Variants in USP37 observed in about 807,000 individuals in gnomAD.
USP37 encodes ubiquitin carboxyl-terminal hydrolase 37.
A neutral mutation model predicts 124.0 loss-of-function variants in USP37; 27 were observed. The observed-to-expected ratio is 0.22, with a 90% CI of 0.16 to 0.30. USP37 has a LOEUF of 0.30. Ranked by LOEUF, USP37 falls within the 10% of genes least tolerant of loss-of-function variation. USP37 has a pLI of 1.00. For synonymous variants in USP37, 365 were observed against 388.0 expected (o/e 0.94, Z 0.70); for missense variants, 889 against 1,140.4 (o/e 0.78, Z 3.17).
chr2:218,486,034 C>A, intron 15 of USP37: 2 of 304,934 alleles, frequency 6.6e-6, no homozygotes, highest in East Asian at 6.0e-5. Flanking sequence ...GCCTTTTCAG[C>A]CTTTTCCCCA....
At chr2:218,505,336 C>A (rs965882718) in intron 11 of USP37, among the ~76,000 whole-genome samples, 1 of 152,070 alleles carries the variant, frequency 6.6e-6, no homozygotes, top group Non-Finnish European at 1.5e-5. Flanking sequence ...TGTTTATATA[C>A]CATTCTTTTA....
At chr2:218,505,456 A>G (rs1201781585) in intron 11 of USP37, among the ~76,000 whole-genome samples, 4 of 152,168 alleles carry the variant, frequency 2.6e-5, no homozygotes, top group Non-Finnish European at 5.9e-5. Context: ...CATGAAGCTC[A>G]TTTTCTGTAG....
intron 4 of USP37, among the ~76,000 whole-genome samples, chr2:218,556,616 CT>C (rs1692997211): frequency 7.1e-6 from 1 of 140,488 alleles, no homozygotes; most frequent in Non-Finnish European, 1.5e-5. Context: ...CGGATTCAAG[CT>C]ATTCTCCTGC....
At position 218,498,040 on chromosome 2, in the gene USP37, G is replaced by C. The variant is rs202190835; in HGVS notation, c.1143C>G (p.Leu381=). 57 of 1,608,928 alleles carry C rather than the reference G, an allele frequency of 3.5e-5. No individual in the cohort carries two copies. The Middle Eastern group carries it at 8.3e-4, about 23-fold the overall frequency. The change falls in exon 12 of 26, where the codon CTC becomes CTG. Residue 381 remains leucine, a synonymous_variant. Coordinates refer to ENST00000258399, the MANE Select transcript of USP37 (RefSeq NM_020935.3). Reference sequence around the variant, plus strand: ...ATAATGATTACCTGATAAGTGCATTGAGTGGAATTTTCTTCCATGGGATAC... The same window carrying C: ...ATAATGATTACCTGATAAGTGCATTCAGTGGAATTTTCTTCCATGGGATAC... ...KQGIPWKKIP[L]NALIRRFAHL...
At chr2:218,470,121 TAACTC>T (rs1362967459) in intron 20 of USP37, among the ~76,000 whole-genome samples, 2 of 152,088 alleles carry the variant, frequency 1.3e-5, no homozygotes, top group Non-Finnish European at 2.9e-5. Flanking sequence ...CGTGTGGCCT[TAACTC>T]AACATTCTTC....
At chr2:218,493,641 T>C (rs147097770) in intron 14 of USP37, among the ~76,000 whole-genome samples, 18 of 152,268 alleles carry the variant, frequency 1.2e-4, no homozygotes, top group African/African-American at 4.1e-4. Context: ...TGGCTAATTT[T>C]TGTATTTTTA....
chr2:218,506,237 T>G (rs961921077), intron 11 of USP37, among the ~76,000 whole-genome samples: 1 of 151,324 alleles, frequency 6.6e-6, no homozygotes, highest in Non-Finnish European at 1.5e-5. Context: ...TTATATGTAA[T>G]ATGGGTGTAT....
chr2:218,460,260 A>C (rs577611501), intron 22 of USP37, among the ~76,000 whole-genome samples: 542 of 148,130 alleles, frequency 3.7e-3, no homozygotes, highest in African/African-American at 0.012. Context: ...CTCTGTCCCA[A>C]AAAAAAAAAA....
At chr2:218,456,997 AAC>A in intron 24 of USP37, 93 bp downstream of exon 24, 2 of 1,265,424 alleles carry the variant, frequency 1.6e-6, no homozygotes, top group Non-Finnish European at 2.2e-6. Flanking sequence ...GAAAAAGAAA[AAC>A]ACACTTCACA....
chr2:218,469,050 CT>C (rs1307825710), intron 20 of USP37, among the ~76,000 whole-genome samples: 1 of 152,114 alleles, frequency 6.6e-6, no homozygotes, highest in Non-Finnish European at 1.5e-5. Flanking sequence ...AGCATCCTGG[CT>C]TTAGATTCTA....
chr2:218,533,124 C>T (rs970016481), intron 9 of USP37, among the ~76,000 whole-genome samples: 4 of 151,854 alleles, frequency 2.6e-5, no homozygotes, highest in Non-Finnish European at 5.9e-5. Context: ...TATGCCGGTA[C>T]ACATGTATGT....
chr2:218,506,700 A>T (rs1463999954), intron 11 of USP37, among the ~76,000 whole-genome samples: 1 of 150,312 alleles, frequency 6.7e-6, no homozygotes, highest in East Asian at 1.9e-4. Flanking sequence ...TTAATTTAAA[A>T]CTTCATTTTC....
chr2:218,472,321 C>T (rs1465306845), intron 20 of USP37, among the ~76,000 whole-genome samples: 1 of 152,090 alleles, frequency 6.6e-6, no homozygotes, highest in East Asian at 1.9e-4. Flanking sequence ...ATACTGGTAG[C>T]CACGGTTCAC....
chr2:218,546,023 T>C (rs1253947109), intron 8 of USP37, among the ~76,000 whole-genome samples, 198 bp downstream of exon 8: 1 of 152,200 alleles, frequency 6.6e-6, no homozygotes, highest in Non-Finnish European at 1.5e-5. Context: ...TGCAATGAAA[T>C]GACCAAAGCA....
At chr2:218,485,396 C>A (rs1185754485) in intron 16 of USP37, among the ~76,000 whole-genome samples, 1 of 151,860 alleles carries the variant, frequency 6.6e-6, no homozygotes, top group Non-Finnish European at 1.5e-5. Context: ...TCAAGTGATC[C>A]TCCTACCTCA....
intron 20 of USP37, among the ~76,000 whole-genome samples, chr2:218,472,448 G>A (rs571389461): frequency 1.5e-4 from 22 of 151,348 alleles, no homozygotes; most frequent in Non-Finnish European, 3.1e-4. Flanking sequence ...CCCAAAGCAC[G>A]TCAGCCTGAA....
At chr2:218,465,492 C>G (rs1486279966) in intron 21 of USP37, among the ~76,000 whole-genome samples, 1 of 151,944 alleles carries the variant, frequency 6.6e-6, no homozygotes, top group African/African-American at 2.4e-5. Context: ...ATACCCCATC[C>G]TGTTTTAGCA....
intron 10 of USP37, among the ~76,000 whole-genome samples, chr2:218,516,739 A>C (rs568894006): frequency 2.0e-5 from 3 of 152,292 alleles, no homozygotes; most frequent in Admixed American, 6.5e-5. Flanking sequence ...GTCTGGCACT[A>C]GGGTGCTCAT....
intron 11 of USP37, among the ~76,000 whole-genome samples, chr2:218,509,755 C>A (rs1480619851): frequency 2.6e-5 from 4 of 152,044 alleles, no homozygotes; most frequent in Non-Finnish European, 5.9e-5. Flanking sequence ...TACACATTTT[C>A]TGCTTTAAAA....
Sources: gnomAD v4.1 joint callset for allele counts (sites outside exome capture counted in the v4.1 genomes callset) on GRCh38, gnomAD v4.1.1 for gene constraint, MANE v1.5 for transcripts, NCBI Gene and HGNC (gene_info 2026-07-23, HGNC 2026-07-21) for gene names.